The following NLK variants were observed in gnomAD, a reference collection of about 807,000 sequenced individuals.
NLK encodes serine/threonine-protein kinase NLK.
In NLK, 11 loss-of-function variants were observed where a neutral mutation model predicts 59.0. That is an observed-to-expected ratio of 0.19 (90% CI 0.12 to 0.31). The LOEUF is 0.31. Ranked by LOEUF, NLK falls within the 10% of genes least tolerant of loss-of-function variation. The pLI is 1.00. For synonymous variants in NLK, 235 were observed against 235.9 expected (o/e 1.00, Z 0.03); for missense variants, 410 against 661.1 (o/e 0.62, Z 4.16).
intron 1 of NLK, among the ~76,000 whole-genome samples, chr17:28,077,488 CA>C (rs1482684038): frequency 2.6e-5 from 4 of 152,020 alleles, no homozygotes; most frequent in African/African-American, 9.7e-5. Flanking sequence ...GAGTAGAATT[CA>C]AGATGAGATT....
chr17:28,163,376 C>G (rs1174652029), intron 4 of NLK, among the ~76,000 whole-genome samples, 167 bp from the exon 5 acceptor site: 1 of 152,128 alleles, frequency 6.6e-6, no homozygotes, highest in African/African-American at 2.4e-5. Flanking sequence ...TTTACTGTAG[C>G]AAAATTACGG....
intron 1 of NLK, among the ~76,000 whole-genome samples, chr17:28,064,520 AATATC>A (rs2142750469): frequency 6.6e-6 from 1 of 152,234 alleles, no homozygotes; most frequent in East Asian, 1.9e-4. Context: ...GAACAAAATT[AATATC>A]ATATGAAGCA....
In NLK at chr17:28,042,737, T is replaced by A; in HGVS notation, c.-137T>A. 1.3e-6 allele frequency: 1 copy of A among 783,098 alleles called. No individual in the cohort carries two copies. The highest frequency in any genetic ancestry group is 1.9e-6 in the Non-Finnish European group (1 of 517,432). 48.5% of individuals were successfully genotyped at this position (783,098 alleles called of 1,614,324 possible). On this transcript the variant is annotated 5_prime_UTR_variant, in exon 1 of 11. Transcript: ENST00000407008. ...CCCAAAATTAAACACCAAGATCCTC[T>A]AACTTGTTTGGATTGACTGATGAAG...
intron 1 of NLK, among the ~76,000 whole-genome samples, chr17:28,045,058 C>T (rs146700875): frequency 3.9e-5 from 6 of 152,190 alleles, no homozygotes; most frequent in African/African-American, 1.4e-4. Flanking sequence ...ACATCTCACA[C>T]AGCAAACGTT....
chr17:28,181,845 T>TA, intron 7 of NLK, among the ~76,000 whole-genome samples: 1 of 152,074 alleles, frequency 6.6e-6, no homozygotes, highest in Middle Eastern at 3.4e-3. Flanking sequence ...ACCGTGTCTC[T>TA]AAAAAAATAC....
chr17:28,184,399 T>C (rs1909034588), intron 7 of NLK, among the ~76,000 whole-genome samples: 1 of 152,242 alleles, frequency 6.6e-6, no homozygotes, highest in Non-Finnish European at 1.5e-5. Context: ...GCATTTAAGA[T>C]GTAAGGCTAA....
intron 1 of NLK, among the ~76,000 whole-genome samples, chr17:28,052,701 T>G (rs926817154): frequency 3.9e-5 from 6 of 152,212 alleles, no homozygotes; most frequent in African/African-American, 1.4e-4. Flanking sequence ...ATCCAAAATA[T>G]TGTCATTTCA....
At chr17:28,139,312 C>T (rs1020521812) in intron 3 of NLK, among the ~76,000 whole-genome samples, 1 of 152,188 alleles carries the variant, frequency 6.6e-6, no homozygotes, top group African/African-American at 2.4e-5. Context: ...GATTTTTACT[C>T]TTTCCCATTT....
intron 1 of NLK, among the ~76,000 whole-genome samples, chr17:28,098,836 C>T (rs369452298): frequency 2.0e-5 from 3 of 151,870 alleles, no homozygotes; most frequent in Admixed American, 6.6e-5. Flanking sequence ...ACATGCGCCA[C>T]GACGCTCGGC....
At chr17:28,071,018 G>T (rs1253345363) in intron 1 of NLK, among the ~76,000 whole-genome samples, 1 of 152,060 alleles carries the variant, frequency 6.6e-6, no homozygotes, top group Non-Finnish European at 1.5e-5. Context: ...GACATTTTGG[G>T]CCTGATAGTT....
intron 1 of NLK, among the ~76,000 whole-genome samples, chr17:28,086,178 G>A (rs376845482): frequency 2.6e-5 from 4 of 151,996 alleles, no homozygotes; most frequent in East Asian, 1.9e-4. Context: ...CAAAAGATAC[G>A]AAAGGATTTA....
chr17:28,045,220 C>A (rs150944426), intron 1 of NLK, among the ~76,000 whole-genome samples: 42 of 152,324 alleles, frequency 2.8e-4, no homozygotes, highest in African/African-American at 1.0e-3. Context: ...CATCTTACTT[C>A]AGGTTTGTCT....
downstream of NLK, among the ~76,000 whole-genome samples, chr17:28,197,410 A>G (rs1433317764): frequency 6.6e-6 from 1 of 151,526 alleles, no homozygotes; most frequent in Non-Finnish European, 1.5e-5. Context: ...TGGAGGTTGC[A>G]GTGAGCTGAG....
chr17:28,093,470 A>G (rs778081175), intron 1 of NLK, among the ~76,000 whole-genome samples: 1 of 152,152 alleles, frequency 6.6e-6, no homozygotes, highest in Non-Finnish European at 1.5e-5. Flanking sequence ...GGAGTAATTT[A>G]TAATAAAAAA....
At chr17:28,062,781 A>G (rs990769389) in intron 1 of NLK, among the ~76,000 whole-genome samples, 1 of 152,090 alleles carries the variant, frequency 6.6e-6, no homozygotes, top group Non-Finnish European at 1.5e-5. Context: ...GGGTTTCACC[A>G]TGTTGGCCAG....
intron 1 of NLK, 141 bp downstream of exon 1, chr17:28,043,472 T>A: frequency 1.4e-6 from 1 of 736,396 alleles, no homozygotes; most frequent in Non-Finnish European, 2.2e-6. Context: ...CACCCTCACT[T>A]ATGTGGTAAA....
intron 1 of NLK, among the ~76,000 whole-genome samples, chr17:28,061,130 TCCACAGCCTCCTGAG>T (rs1909619120): frequency 6.6e-6 from 1 of 152,182 alleles, no homozygotes; most frequent in Non-Finnish European, 1.5e-5. Flanking sequence ...CAAGCGATCC[TCCACAGCCTCCTGAG>T]GGCCAGTTAG....
Position 28,059,927 on chromosome 17 carries a change from TAATAA to T in NLK, c.458+16602_458+16606del, listed in dbSNP as rs573130522. Among the ~76,000 whole-genome samples the T allele has an allele frequency of 6.5e-3, 992 of 152,322 alleles. 16 individuals carry two copies. The highest frequency in any genetic ancestry group is 0.022 in the African/African-American group (926 of 41,564). On this transcript the variant is annotated intron_variant, in intron 1 of 10. Coordinates refer to ENST00000407008, the MANE Select transcript of NLK (RefSeq NM_016231.5). ...TAGATAACCTTAAGAGCATAAATCA[TAATAA>T]AATAACTAGGGAGTGATGATTCCTA...
chr17:28,079,113 T>G (rs1910261994), intron 1 of NLK, among the ~76,000 whole-genome samples: 1 of 152,230 alleles, frequency 6.6e-6, no homozygotes, highest in Non-Finnish European at 1.5e-5. Flanking sequence ...CCTAAATAAG[T>G]GGAATCATGC....
Sources: allele counts gnomAD v4.1 joint callset (sites outside exome capture counted in the v4.1 genomes callset), GRCh38; gene constraint gnomAD v4.1.1; transcripts MANE v1.5; gene names NCBI Gene and HGNC (gene_info 2026-07-23, HGNC 2026-07-21).